Variants in CYFIP2 observed in about 807,000 individuals in gnomAD.
The protein encoded by CYFIP2 is cytoplasmic FMR1-interacting protein 2.
Under a neutral mutation model 158.7 loss-of-function variants are expected in CYFIP2, and 29 were observed. The ratio of observed to expected loss-of-function variants is 0.18; its 90% confidence interval spans 0.14 to 0.25. The LOEUF (loss-of-function observed/expected upper bound fraction) is 0.25. CYFIP2 is among the 10% of genes least tolerant of loss of function. The pLI is 1.00. For missense variants in CYFIP2, 852 were observed against 1,639.5 expected (o/e 0.52, Z 8.29); for synonymous variants, 585 against 617.6 (o/e 0.95, Z 0.78).
intron 4 of CYFIP2, among the ~76,000 whole-genome samples, chr5:157,295,682 C>T (rs961826001): frequency 4.6e-5 from 7 of 152,234 alleles, no homozygotes; most frequent in African/African-American, 1.7e-4. Flanking sequence ...CTCATTCCTT[C>T]TAACAGCTCA....
chr5:157,317,691 T>G (rs1435683176), intron 13 of CYFIP2, among the ~76,000 whole-genome samples: 32 of 152,214 alleles, frequency 2.1e-4, no homozygotes, highest in Admixed American at 2.1e-3. Context: ...GTGAATCCAT[T>G]TATTTTCTTG....
In CYFIP2 at chr5:157,392,980, T is replaced by A; in HGVS notation, c.3742T>A (p.Ser1248Thr). 1 of 1,613,850 alleles carries A rather than the reference T, an allele frequency of 6.2e-7. No homozygotes were observed. The highest frequency in any genetic ancestry group is 1.1e-5 in the South Asian group (1 of 91,072). ...CTGCTTCCAGCCACCCATCCACCAGTCCTTGGCCACCACTTGCTAAGCAGA... is the reference window on the plus strand; with the variant it reads ...CTGCTTCCAGCCACCCATCCACCAGACCTTGGCCACCACTTGCTAAGCAGA... Reference protein sequence around the residue: ...VRCFQPPIHQSLATTC With the variant: ...VRCFQPPIHQTLATTC Residue 1248 changes from serine to threonine, a missense_variant, in exon 31 of 31, where the codon TCC becomes ACC. Transcript: ENST00000620254.
intron 26 of CYFIP2, among the ~76,000 whole-genome samples, chr5:157,369,181 A>G (rs1764742114): frequency 6.6e-6 from 1 of 152,178 alleles, no homozygotes; most frequent in Admixed American, 6.5e-5. Flanking sequence ...TATAGGCATG[A>G]GCCACCGCGC....
intron 18 of CYFIP2, 51 bp from the exon 19 acceptor site, chr5:157,327,922 G>A: frequency 6.3e-7 from 1 of 1,577,366 alleles, no homozygotes; most frequent in Non-Finnish European, 8.7e-7. Flanking sequence ...CTCAGTTTCT[G>A]TCATAAAGCT....
chr5:157,274,608 C>T (rs544989074), intron 1 of CYFIP2, among the ~76,000 whole-genome samples: 1 of 152,134 alleles, frequency 6.6e-6, no homozygotes, highest in Admixed American at 6.5e-5. Flanking sequence ...ATTGCTGGGT[C>T]AAATGGTAAC....
chr5:157,359,625 A>G (rs183022986), intron 24 of CYFIP2, among the ~76,000 whole-genome samples: 1 of 152,330 alleles, frequency 6.6e-6, no homozygotes, highest in East Asian at 1.9e-4. Flanking sequence ...TGGCTTCAAG[A>G]GAGTTCTGTA....
chr5:157,282,175 A>G (rs949179879), intron 1 of CYFIP2, among the ~76,000 whole-genome samples: 56 of 152,236 alleles, frequency 3.7e-4, no homozygotes, highest in South Asian at 8.3e-4. Flanking sequence ...CACAGGCTGT[A>G]CAGGAAGCAT....
At chr5:157,388,782 GA>G (rs1469826642) in intron 28 of CYFIP2, among the ~76,000 whole-genome samples, 1 of 152,152 alleles carries the variant, frequency 6.6e-6, no homozygotes, top group Non-Finnish European at 1.5e-5. Flanking sequence ...TCATGGGATG[GA>G]ATGGACTCAA....
intron 18 of CYFIP2, 128 bp from the exon 19 acceptor site, chr5:157,327,845 C>T (rs1761149182): frequency 1.3e-6 from 1 of 770,818 alleles, no homozygotes. Context: ...AATATTTTTC[C>T]CCTTCAAAGC....
intron 7 of CYFIP2, 28 bp downstream of exon 7, chr5:157,302,918 G>A (rs1197730149): frequency 3.2e-6 from 5 of 1,540,658 alleles, no homozygotes; most frequent in Non-Finnish European, 4.4e-6. Context: ...GTTAGGCCTG[G>A]CCTGATGTCT....
intron 3 of CYFIP2, among the ~76,000 whole-genome samples, chr5:157,287,741 T>C (rs1321034645): frequency 2.0e-5 from 3 of 152,188 alleles, no homozygotes; most frequent in Non-Finnish European, 4.4e-5. Flanking sequence ...ACACTATATG[T>C]CTTAGCTCGT....
In CYFIP2 at chr5:157,365,785, CCT is replaced by C. The variant is rs1491221312; in HGVS notation, c.3039+4190_3039+4191del. Among the ~76,000 whole-genome samples the C allele has an allele frequency of 6.8e-5, 3 of 44,048 alleles. No individual in the cohort carries two copies. The East Asian group carries it at 7.3e-4, about 11-fold the overall frequency. 28.9% of individuals were successfully genotyped at this position (44,048 alleles called of 152,430 possible). A position where few individuals can be genotyped will look rare whatever the true frequency, so the allele number is the denominator to read the frequency against. ...AGTATGTTTTCCCTTTCCTTTCTGA[CCT>C]CTGTCATTCAACATTACATTTGAGA... On this transcript the variant is annotated intron_variant, in intron 26 of 30. Transcript: ENST00000620254.
intron 15 of CYFIP2, among the ~76,000 whole-genome samples, chr5:157,321,424 C>T (rs1478949203): frequency 6.6e-6 from 1 of 152,220 alleles, no homozygotes; most frequent in Non-Finnish European, 1.5e-5. Flanking sequence ...TTTGGAAACA[C>T]TCAGAGTTGC....
intron 26 of CYFIP2, among the ~76,000 whole-genome samples, chr5:157,375,065 C>T (rs1009296899): frequency 2.0e-5 from 3 of 152,118 alleles, no homozygotes; most frequent in East Asian, 3.9e-4. Flanking sequence ...ATCAGCATTC[C>T]CAACTTGAGA....
At chr5:157,326,392 C>A in intron 18 of CYFIP2, 125 bp downstream of exon 18, 3 of 810,708 alleles carry the variant, frequency 3.7e-6, no homozygotes, top group East Asian at 2.5e-5. Context: ...TCTCTGTAAC[C>A]ATGGCCATCA....
chr5:157,299,524 A>G (rs1252114953), intron 5 of CYFIP2, among the ~76,000 whole-genome samples: 1 of 152,134 alleles, frequency 6.6e-6, no homozygotes, highest in Non-Finnish European at 1.5e-5. Context: ...CTTCTCCTCA[A>G]GCCTTCCTTC....
At chr5:157,300,614 T>G in intron 5 of CYFIP2, 101 bp from the exon 6 acceptor site, 1 of 1,127,808 alleles carries the variant, frequency 8.9e-7, no homozygotes, top group Non-Finnish European at 1.1e-6. Context: ...CAGATTTGCC[T>G]TTCTCGAGAG....
Position 157,309,790 on chromosome 5 carries a change from C to G in CYFIP2, c.948C>G (p.Ala316=), listed in dbSNP as rs747924917. 1.2e-6 allele frequency: 2 copies of G among 1,607,714 alleles called. No individual in the cohort carries two copies. The highest frequency in any genetic ancestry group is 2.2e-5 in the South Asian group (2 of 89,458). ...TCGGCGACATGCAGATAGAGCTGGC[C>G]AGATACATTAAGACCAGTGCTCACT... is the stretch of plus-strand genomic sequence containing the variant. ...PLFGDMQIEL[A]RYIKTSAHYE... The change falls in exon 10 of 31, where the codon GCC becomes GCG. Residue 316 remains alanine, a synonymous_variant. Transcript: ENST00000620254.
Position 157,320,510 on chromosome 5 carries a change from G to A in CYFIP2, c.1524-145G>A, listed in dbSNP as rs574006757. 35 of 1,064,674 alleles carry A rather than the reference G, an allele frequency of 3.3e-5. No homozygotes were observed. The African/African-American group carries it at 5.4e-4, about 16-fold the overall frequency. 66.0% of individuals were successfully genotyped at this position (1,064,674 alleles called of 1,614,324 possible). A position where few individuals can be genotyped will look rare whatever the true frequency, so the allele number is the denominator to read the frequency against. On this transcript the variant is annotated intron_variant, in intron 14 of 30. Transcript: ENST00000620254. ...TCTGTTAAACCAGAGTTTTGGAATT[G>A]GGGCAGAAATGAGCATGCTTTACAA...
Sources: gnomAD v4.1 joint callset for allele counts (sites outside exome capture counted in the v4.1 genomes callset) on GRCh38, gnomAD v4.1.1 for gene constraint, MANE v1.5 for transcripts, NCBI Gene and HGNC (gene_info 2026-07-23, HGNC 2026-07-21) for gene names.